TTC27: variants seen among roughly 807,000 people sequenced by gnomAD.
TTC27 encodes the protein tetratricopeptide repeat protein 27.
A neutral mutation model predicts 115.9 loss-of-function variants in TTC27; 79 were observed. That is an observed-to-expected ratio of 0.68 (90% CI 0.57 to 0.82). The LOEUF (loss-of-function observed/expected upper bound fraction) is 0.82, where lower values mean the gene tolerates loss of function less well. Among genes scored for constraint, TTC27 ranks in the 40% least tolerant of loss-of-function variants. The pLI, the probability that TTC27 is intolerant of heterozygous loss-of-function variation, is 0.00. For missense variants in TTC27, 1,054 were observed against 993.1 expected (o/e 1.06, Z -0.82); for synonymous variants, 401 against 356.0 (o/e 1.13, Z -1.42).
chr2:32,633,577 AT>A (rs1040404614), intron 2 of TTC27, among the ~76,000 whole-genome samples: 1 of 151,730 alleles, frequency 6.6e-6, no homozygotes, highest in Non-Finnish European at 1.5e-5. Context: ...CTAACTTTTA[AT>A]TTTTTTGTAG....
At chr2:32,636,274 T>C (rs963235388) in intron 3 of TTC27, among the ~76,000 whole-genome samples, 4 of 152,062 alleles carry the variant, frequency 2.6e-5, no homozygotes, top group African/African-American at 4.8e-5. Context: ...AGTGCAGTGG[T>C]GCGATCTCGG....
At chr2:32,802,069 G>C (rs1263221228) in intron 16 of TTC27, among the ~76,000 whole-genome samples, 2 of 151,966 alleles carry the variant, frequency 1.3e-5, no homozygotes, top group Non-Finnish European at 2.9e-5. Context: ...ATTCTAGAAA[G>C]CGGATGGAAA....
chr2:32,708,302 TTG>T (rs1553554382), intron 10 of TTC27, among the ~76,000 whole-genome samples: 1 of 121,846 alleles, frequency 8.2e-6, no homozygotes. Context: ...TTTCTCTACC[TTG>T]TTTTTTTTTT....
At chr2:32,647,097 A>G (rs558785297) in intron 4 of TTC27, among the ~76,000 whole-genome samples, 2 of 150,702 alleles carry the variant, frequency 1.3e-5, no homozygotes, top group African/African-American at 4.9e-5. Flanking sequence ...GATACGCACC[A>G]CCACACTCAG....
chr2:32,631,485 G>A (rs964619231), intron 2 of TTC27, among the ~76,000 whole-genome samples: 1 of 152,054 alleles, frequency 6.6e-6, no homozygotes, highest in Non-Finnish European at 1.5e-5. Context: ...AATTTTATAG[G>A]GTTAAGTATA....
chr2:32,789,194 A>C (rs1670447981), intron 16 of TTC27, among the ~76,000 whole-genome samples: 2 of 152,252 alleles, frequency 1.3e-5, no homozygotes. Context: ...TGCCGATTTT[A>C]GTTAACTTAG....
intron 5 of TTC27, among the ~76,000 whole-genome samples, chr2:32,657,353 C>CTTT (rs988569906): frequency 3.9e-5 from 5 of 128,328 alleles, no homozygotes; most frequent in Admixed American, 8.3e-5. Context: ...CACTGTCTTT[C>CTTT]TTTTTTTTTT....
rs1265374655 is a variant in TTC27 at position 32,759,851 on chromosome 2, C to T, written c.1680+1332C>T. On this transcript the variant is annotated intron_variant, in intron 13 of 19. Transcript: ENST00000317907. ...AAAGTGGAATCATACAATATTTGTC[C>T]TTTTGTGACTGACTTATTTCACTTA... is the stretch of plus-strand genomic sequence containing the variant. Among the ~76,000 whole-genome samples the T allele has an allele frequency of 4.6e-5, 7 of 152,098 alleles. No homozygotes were observed. In the South Asian group the frequency reaches 1.4e-3, roughly 31 times the overall value.
intron 4 of TTC27, among the ~76,000 whole-genome samples, chr2:32,641,739 C>T (rs371454968): frequency 7.9e-5 from 12 of 152,232 alleles, no homozygotes; most frequent in South Asian, 2.1e-4. Flanking sequence ...AGTGCAATGG[C>T]GCGATCTCGG....
intron 10 of TTC27, among the ~76,000 whole-genome samples, chr2:32,724,150 G>A (rs541385117): frequency 6.6e-6 from 1 of 152,090 alleles, no homozygotes; most frequent in South Asian, 2.1e-4. Context: ...GGGTCCCCTG[G>A]AGAAGTTTTG....
intron 3 of TTC27, among the ~76,000 whole-genome samples, chr2:32,639,831 C>T (rs1664572146): frequency 6.6e-6 from 1 of 152,050 alleles, no homozygotes. Context: ...GGTGAAACCC[C>T]ATCTCTACTT....
rs755132584 is a variant in TTC27 at position 32,812,619 on chromosome 2, T to G, written c.2308+4T>G. On this transcript the variant is annotated splice_donor_region_variant and intron_variant, in intron 18 of 19. Transcript: ENST00000317907. ...AGAGCCTTAGGACTTGCACATGGTA[T>G]TTGATGTAACATTTGATATCCATGG... 6.3e-7 allele frequency: 1 copy of G among 1,599,872 alleles called. No homozygotes were observed. Among genetic ancestry groups the G allele is most frequent in the Non-Finnish European group, 8.6e-7 (1 of 1,167,406 alleles).
intron 17 of TTC27, among the ~76,000 whole-genome samples, chr2:32,812,221 G>A (rs1325883492): frequency 1.3e-5 from 2 of 152,122 alleles, no homozygotes; most frequent in Non-Finnish European, 2.9e-5. Flanking sequence ...TACAAATGCT[G>A]AGAAAATCTG....
intron 16 of TTC27, among the ~76,000 whole-genome samples, chr2:32,810,711 G>T (rs77761060): frequency 6.6e-6 from 1 of 152,264 alleles, no homozygotes; most frequent in East Asian, 1.9e-4. Flanking sequence ...GAAGCTATAG[G>T]TGTGGATCCA....
chr2:32,664,222 A>G, intron 5 of TTC27, 81 bp from the exon 6 acceptor site: 5 of 1,226,348 alleles, frequency 4.1e-6, no homozygotes, highest in East Asian at 5.0e-5. Flanking sequence ...TATATACTTT[A>G]TGTATTATAG....
chr2:32,819,414 C>T (rs78454366), intron 19 of TTC27, among the ~76,000 whole-genome samples: 1 of 152,120 alleles, frequency 6.6e-6, no homozygotes, highest in South Asian at 2.1e-4. Context: ...TCTCTGGTTT[C>T]GTAGATCTTA....
At chr2:32,632,162 C>CTT (rs372312922) in intron 2 of TTC27, among the ~76,000 whole-genome samples, 1,449 of 126,074 alleles carry the variant, frequency 0.011, 29 homozygotes, top group African/African-American at 0.04. Context: ...TGGTATCATT[C>CTT]TTTTTTTTTT....
At chr2:32,758,146 A>G (rs1177879618) in intron 12 of TTC27, 146 bp from the exon 13 acceptor site, 6 of 708,028 alleles carry the variant, frequency 8.5e-6, no homozygotes, top group African/African-American at 7.2e-5. Flanking sequence ...CTCTTACTCA[A>G]CCTGTGTCCT....
chr2:32,695,906 AAAAATAAAAT>A (rs111384969), intron 9 of TTC27, among the ~76,000 whole-genome samples: 2 of 149,224 alleles, frequency 1.3e-5, no homozygotes, highest in African/African-American at 5.0e-5. Flanking sequence ...CTCCATCTCA[AAAAATAAAAT>A]AAAATAAAAT....
Sources: allele counts gnomAD v4.1 joint callset (sites outside exome capture counted in the v4.1 genomes callset), GRCh38; gene constraint gnomAD v4.1.1; transcripts MANE v1.5; gene names NCBI Gene and HGNC (gene_info 2026-07-23, HGNC 2026-07-21).